The following ZHX3 variants were observed in gnomAD, a reference collection of about 807,000 sequenced individuals.
The protein encoded by ZHX3 is zinc fingers and homeoboxes 3.
A neutral mutation model predicts 64.5 loss-of-function variants in ZHX3; 20 were observed. The observed-to-expected ratio is 0.31, with a 90% CI of 0.22 to 0.45. The LOEUF (loss-of-function observed/expected upper bound fraction) is 0.45. Among genes scored for constraint, ZHX3 ranks in the 20% least tolerant of loss-of-function variants. ZHX3 has a pLI of 1.00. For synonymous variants in ZHX3, 423 were observed against 461.6 expected (o/e 0.92, Z 1.07); for missense variants, 1,041 against 1,195.8 (o/e 0.87, Z 1.91).
chr20:41,201,526 G>GT lies in ZHX3; in HGVS notation c.2860+530dup. 1 of 478,474 alleles carries GT rather than the reference G, an allele frequency of 2.1e-6. No homozygotes were observed. 29.6% of individuals were successfully genotyped at this position (478,474 alleles called of 1,614,324 possible). A position where few individuals can be genotyped will look rare whatever the true frequency, so the allele number is the denominator to read the frequency against. On this transcript the variant is annotated intron_variant, in intron 3 of 3. Coordinates refer to ENST00000683867, the MANE Select transcript of ZHX3 (RefSeq NM_001384317.1). This position sits in a 1 kb window ranked among gnomAD's most constrained non-coding sequence, Gnocchi z 5.0. Reference sequence around the variant, plus strand: ...ACAAAATTCAAGCTTTTGATTCCATGTATGTCAAAGAAGGAAGGTGATTTT... The same window carrying GT: ...ACAAAATTCAAGCTTTTGATTCCATGTTATGTCAAAGAAGGAAGGTGATTTT...
In ZHX3 at chr20:41,226,462, TC is replaced by T. The variant is rs2040278896; in HGVS notation, c.-150-21397del. Among the ~76,000 whole-genome samples, 1 of 152,180 alleles carries T rather than the reference TC, an allele frequency of 6.6e-6. No homozygotes were observed. Among genetic ancestry groups the T allele is most frequent in the Non-Finnish European group, 1.5e-5 (1 of 68,026 alleles). On this transcript the variant is annotated intron_variant, in intron 2 of 3. Coordinates refer to ENST00000683867, the MANE Select transcript of ZHX3 (RefSeq NM_001384317.1). This position sits in a 1 kb window ranked among gnomAD's most constrained non-coding sequence, Gnocchi z 4.4. Reference sequence around the variant, plus strand: ...TCCACTGATGGACATTTAGGTTGCTTCCCCCTCTTGGTTATTGTGAATAATG... The same window carrying T: ...TCCACTGATGGACATTTAGGTTGCTTCCCCTCTTGGTTATTGTGAATAATG...
At chr20:41,282,178 T>A (rs1199138470) in intron 1 of ZHX3, among the ~76,000 whole-genome samples, 1 of 152,190 alleles carries the variant, frequency 6.6e-6, no homozygotes, top group African/African-American at 2.4e-5. Flanking sequence ...ACCCTTTCAG[T>A]GCTTGAGCTC....
chr20:41,302,052 T>G, intron 1 of ZHX3, among the ~76,000 whole-genome samples: 1 of 32,482 alleles, frequency 3.1e-5, no homozygotes. Context: ...AGACTCCATC[T>G]CAAAAAAAAA....
chr20:41,191,303 A>G (rs1397830797), intron 3 of ZHX3, among the ~76,000 whole-genome samples: 4 of 151,922 alleles, frequency 2.6e-5, no homozygotes, highest in African/African-American at 9.7e-5. Context: ...TTGATCTAAT[A>G]TATTGTTGAA....
chr20:41,211,649 C>A (rs1204065366), intron 2 of ZHX3, among the ~76,000 whole-genome samples: 1 of 152,108 alleles, frequency 6.6e-6, no homozygotes, highest in Non-Finnish European at 1.5e-5. Flanking sequence ...TTTTGTTACA[C>A]AAGCTTCATA....
intron 2 of ZHX3, among the ~76,000 whole-genome samples, chr20:41,225,713 C>T (rs1451075780): frequency 2.0e-5 from 3 of 152,194 alleles, no homozygotes; most frequent in Admixed American, 6.5e-5. Context: ...GTCTCGAACT[C>T]CTGACCTCAG....
At chr20:41,191,597 A>C (rs1463845610) in intron 3 of ZHX3, among the ~76,000 whole-genome samples, 1 of 152,022 alleles carries the variant, frequency 6.6e-6, no homozygotes, top group Non-Finnish European at 1.5e-5. Flanking sequence ...CCTTATGTTG[A>C]TATCTGCACA....
At chr20:41,230,681 A>G (rs1434075398) in intron 2 of ZHX3, among the ~76,000 whole-genome samples, 1 of 152,248 alleles carries the variant, frequency 6.6e-6, no homozygotes, top group Non-Finnish European at 1.5e-5. Context: ...AAAATGTATT[A>G]TTAAAATTAA....
rs1162264380 is a variant in ZHX3, at chr20:41,212,463, CTGTT to C, written c.-150-7401_-150-7398del. On this transcript the variant is annotated intron_variant, in intron 2 of 3. Coordinates refer to ENST00000683867, the MANE Select transcript of ZHX3 (RefSeq NM_001384317.1). This position sits in a 1 kb window ranked among gnomAD's most constrained non-coding sequence, Gnocchi z 4.3. ...AAAATGGTATAGCCACTTTGGAAAA[CTGTT>C]TGGCAAACAAAATGTTAAATATAGA... Among the ~76,000 whole-genome samples, 3 of 152,082 alleles carry C rather than the reference CTGTT, an allele frequency of 2.0e-5. No homozygotes were observed. The highest frequency in any genetic ancestry group is 1.3e-4 in the Admixed American group (2 of 15,256).
chr20:41,194,622 G>A (rs562738337), intron 3 of ZHX3, among the ~76,000 whole-genome samples: 1 of 152,236 alleles, frequency 6.6e-6, no homozygotes, highest in East Asian at 1.9e-4. Context: ...TTTTTTTGGA[G>A]GAGTTTGAGG....
intron 1 of ZHX3, among the ~76,000 whole-genome samples, chr20:41,288,879 T>C (rs1262540580): frequency 5.3e-5 from 8 of 152,238 alleles, no homozygotes; most frequent in Non-Finnish European, 1.2e-4. Context: ...CATTTAATTG[T>C]ATGTGTTTTG....
intron 1 of ZHX3, among the ~76,000 whole-genome samples, chr20:41,287,379 AC>A (rs1211498046): frequency 6.6e-6 from 1 of 152,136 alleles, no homozygotes; most frequent in Non-Finnish European, 1.5e-5. Context: ...AATATGTCTT[AC>A]CTTCTGTGTT....
At chr20:41,211,979 C>G (rs561616102) in intron 2 of ZHX3, among the ~76,000 whole-genome samples, 1 of 152,064 alleles carries the variant, frequency 6.6e-6, no homozygotes, top group Non-Finnish European at 1.5e-5. Flanking sequence ...GATTTTCAGA[C>G]AAGTTATGGA....
chr20:41,250,003 G>C lies in ZHX3; in HGVS notation c.-151+18987C>G, dbSNP rs540049440. On this transcript the variant is annotated intron_variant, in intron 2 of 3. Transcript: ENST00000683867. The stretch of plus-strand genomic sequence containing the variant: ...CAAGCCAGCTGGAAGCACCAACAAG[G>C]GGGATAGCTCAGGACCCCACTAACA... Among the ~76,000 whole-genome samples, 12 of 152,240 alleles carry C rather than the reference G, an allele frequency of 7.9e-5. No individual in the cohort carries two copies. In the South Asian group the frequency reaches 2.5e-3, roughly 32 times the overall value.
intron 1 of ZHX3, among the ~76,000 whole-genome samples, chr20:41,272,969 T>G (rs910791586): frequency 5.3e-5 from 8 of 152,180 alleles, no homozygotes; most frequent in Non-Finnish European, 7.4e-5. Context: ...CCACAGTGGC[T>G]TCAACATTTT....
At position 41,204,825 on chromosome 20, in the gene ZHX3, T is replaced by C. The variant is rs375694755; in HGVS notation, c.92A>G (p.Glu31Gly). 7 of 1,609,168 alleles carry C rather than the reference T, an allele frequency of 4.4e-6. No homozygotes were observed. The highest frequency in any genetic ancestry group is 5.9e-6 in the Non-Finnish European group (7 of 1,177,174). ...CTGCTGGGGTCCTTCAGGCAAGGTCTCAGCGGGCTGGGCCTCCATGCTGGC... is the reference window on the plus strand; with the variant it reads ...CTGCTGGGGTCCTTCAGGCAAGGTCCCAGCGGGCTGGGCCTCCATGCTGGC... ...QDASMEAQPA[E>G]TLPEGPQQDL... The change falls in exon 3 of 4, where the codon GAG becomes GGG. Residue 31 changes from glutamate to glycine, a missense_variant. By Grantham distance (98) the Glu-to-Gly change is moderately conservative. Transcript: ENST00000683867. The surrounding 1 kb of genome is among the most constrained non-coding windows in gnomAD (Gnocchi z 6.6).
In ZHX3 at chr20:41,204,186, G is replaced by A; in HGVS notation, c.731C>T (p.Ala244Val). 3.7e-6 allele frequency: 6 copies of A among 1,609,754 alleles called. No homozygotes were observed. Among genetic ancestry groups the A allele is most frequent in the Non-Finnish European group, 5.1e-6 (6 of 1,177,898 alleles). Residue 244 changes from alanine to valine, a missense_variant, in exon 3 of 4, where the codon GCC (alanine) becomes GTC (valine). Physicochemically the swap from Ala to Val is moderately conservative, Grantham distance 64. Coordinates refer to ENST00000683867, the MANE Select transcript of ZHX3 (RefSeq NM_001384317.1). This position sits in a 1 kb window ranked among gnomAD's most constrained non-coding sequence, Gnocchi z 6.6. ...GGCATGGGGGTTTTTTGCAGAGCTG[G>A]CAGATGCCTGGCTGACTGGAACTGC... ...NGAVPVSQAS[A>V]SSAKNPHAAN...
At chr20:41,303,961 T>C (rs1007361312) in intron 1 of ZHX3, among the ~76,000 whole-genome samples, 1 of 152,230 alleles carries the variant, frequency 6.6e-6, no homozygotes, top group Non-Finnish European at 1.5e-5. Context: ...GGTGGGATGC[T>C]GAAACATTCA....
chr20:41,232,690 C>G lies in ZHX3; in HGVS notation c.-150-27624G>C, dbSNP rs191306286. On this transcript the variant is annotated intron_variant, in intron 2 of 3. Transcript: ENST00000683867. This position sits in a 1 kb window ranked among gnomAD's most constrained non-coding sequence, Gnocchi z 5.0. ...TTGCAAGCTCCGCCTCCCGGGTTCA[C>G]GCCATTCTCCTGCCTCAGCCTCCCG... Among the ~76,000 whole-genome samples, 1 of 151,992 alleles carries G rather than the reference C, an allele frequency of 6.6e-6. No homozygotes were observed. Among genetic ancestry groups the G allele is most frequent in the Non-Finnish European group, 1.5e-5 (1 of 67,982 alleles).
Sources: gnomAD v4.1 joint callset for allele counts (sites outside exome capture counted in the v4.1 genomes callset) on GRCh38, gnomAD v4.1.1 for gene constraint, Gnocchi (gnomAD v3.1) non-coding constraint, MANE v1.5 for transcripts, NCBI Gene and HGNC (gene_info 2026-07-23, HGNC 2026-07-21) for gene names.